SCD5: variants seen among roughly 807,000 people sequenced by gnomAD.
The protein encoded by SCD5 is acyl-CoA-desaturase 4.
In SCD5, 20 loss-of-function variants were observed where a neutral mutation model predicts 30.4. The ratio of observed to expected loss-of-function variants is 0.66; its 90% CI spans 0.46 to 0.96. The LOEUF (loss-of-function observed/expected upper bound fraction) is 0.96. Among genes scored for constraint, SCD5 ranks in the 40% least tolerant of loss-of-function variants. The pLI, the probability that SCD5 is intolerant of heterozygous loss-of-function variation, is 0.00. For missense variants in SCD5, 381 were observed against 443.3 expected (o/e 0.86, Z 1.26); for synonymous variants, 173 against 176.4 (o/e 0.98, Z 0.16).
At chr4:82,665,894 CAAAATTTT>C (rs1406703033) in intron 3 of SCD5, among the ~76,000 whole-genome samples, 8 of 151,996 alleles carry the variant, frequency 5.3e-5, no homozygotes, top group Non-Finnish European at 7.4e-5. Flanking sequence ...AAATATACAG[CAAAATTTT>C]AACTGATCTT....
chr4:82,736,620 AT>A (rs924257891), intron 1 of SCD5, among the ~76,000 whole-genome samples: 10 of 147,936 alleles, frequency 6.8e-5, no homozygotes, highest in Admixed American at 2.0e-4. Flanking sequence ...AAAAAAAAAA[AT>A]CATTCTTAAT....
intron 1 of SCD5, among the ~76,000 whole-genome samples, chr4:82,716,228 C>G (rs1186255249): frequency 6.6e-6 from 1 of 151,704 alleles, no homozygotes; most frequent in Non-Finnish European, 1.5e-5. Flanking sequence ...GGAATCAAAG[C>G]TCCCTGGAAG....
intron 1 of SCD5, among the ~76,000 whole-genome samples, chr4:82,765,354 C>T (rs1364522345): frequency 6.6e-6 from 1 of 152,172 alleles, no homozygotes; most frequent in Admixed American, 6.5e-5. Context: ...AAGAAGTCTG[C>T]TGTCATCATC....
At chr4:82,637,345 C>T (rs778888335) in intron 3 of SCD5, among the ~76,000 whole-genome samples, 3 of 152,164 alleles carry the variant, frequency 2.0e-5, no homozygotes, top group Non-Finnish European at 4.4e-5. Flanking sequence ...TCAGAGATTA[C>T]GTTCCAAACC....
intron 1 of SCD5, among the ~76,000 whole-genome samples, chr4:82,770,181 C>A (rs946677362): frequency 6.6e-6 from 1 of 152,112 alleles, no homozygotes; most frequent in Non-Finnish European, 1.5e-5. Context: ...CTATCCTGCC[C>A]CCCTCCCCAC....
Position 82,753,467 on chromosome 4 carries a change from G to A in SCD5, c.232+44839C>T, listed in dbSNP as rs374379780. On this transcript the variant is annotated intron_variant, in intron 1 of 4. Transcript: ENST00000319540. Reference sequence around the variant, plus strand: ...AGCAGTGCGCCCCAGAGTCACGCGGGTGGACTCTGACAGTGATAGTGTCCA... The same window carrying A: ...AGCAGTGCGCCCCAGAGTCACGCGGATGGACTCTGACAGTGATAGTGTCCA... The A allele has an allele frequency of 4.4e-3, 2,162 of 494,220 alleles. 52 individuals are homozygous for A. Among genetic ancestry groups the A allele is most frequent in the South Asian group, 0.031 (2,108 of 67,244 alleles). 30.6% of individuals were successfully genotyped at this position (494,220 alleles called of 1,614,324 possible). A position where few individuals can be genotyped will look rare whatever the true frequency, so the allele number is the denominator to read the frequency against.
At chr4:82,738,102 A>G (rs1292285472) in intron 1 of SCD5, among the ~76,000 whole-genome samples, 4 of 152,194 alleles carry the variant, frequency 2.6e-5, no homozygotes, top group African/African-American at 9.6e-5. Flanking sequence ...TGATAAAAAA[A>G]GAACCAAAAG....
intron 3 of SCD5, among the ~76,000 whole-genome samples, chr4:82,670,078 C>G (rs911546596): frequency 6.6e-6 from 1 of 152,164 alleles, no homozygotes. Flanking sequence ...TCCTTTTACT[C>G]AGTACATCAT....
At chr4:82,658,783 G>C (rs548761531) in intron 3 of SCD5, among the ~76,000 whole-genome samples, 22 of 151,754 alleles carry the variant, frequency 1.4e-4, no homozygotes, top group African/African-American at 4.8e-4. Flanking sequence ...AGGGATATTG[G>C]CCTGATATTT....
chr4:82,635,337 G>C (rs913900281), intron 4 of SCD5, among the ~76,000 whole-genome samples: 1 of 152,126 alleles, frequency 6.6e-6, no homozygotes, highest in African/African-American at 2.4e-5. Flanking sequence ...GCAACATCAC[G>C]GGCCGGGCAC....
intron 2 of SCD5, among the ~76,000 whole-genome samples, chr4:82,704,872 C>T (rs6848340): frequency 0.16 from 24,354 of 152,176 alleles, 2,150 homozygotes; most frequent in East Asian, 0.4. Flanking sequence ...CTCACTGAAC[C>T]TCATTCTCCT....
chr4:82,787,313 T>C (rs893051577), intron 1 of SCD5, among the ~76,000 whole-genome samples: 2 of 152,082 alleles, frequency 1.3e-5, no homozygotes, highest in Non-Finnish European at 2.9e-5. Flanking sequence ...TTTCCCTTTT[T>C]TTTTTTTTCT....
intron 1 of SCD5, among the ~76,000 whole-genome samples, chr4:82,740,398 G>A (rs1191854991): frequency 6.6e-6 from 1 of 152,204 alleles, no homozygotes. Flanking sequence ...GCAGGTGGAC[G>A]GGGAGGATCT....
chr4:82,640,793 G>C (rs1727526346), intron 3 of SCD5, among the ~76,000 whole-genome samples: 1 of 152,138 alleles, frequency 6.6e-6, no homozygotes, highest in South Asian at 2.1e-4. Context: ...GTCTGGCCAA[G>C]GGGCCACAGA....
At chr4:82,666,873 T>G (rs1398953068) in intron 3 of SCD5, among the ~76,000 whole-genome samples, 1 of 152,166 alleles carries the variant, frequency 6.6e-6, no homozygotes, top group Non-Finnish European at 1.5e-5. Context: ...ACTATCTACA[T>G]GACAGAGTTA....
intron 1 of SCD5, among the ~76,000 whole-genome samples, chr4:82,752,669 G>A (rs1010487435): frequency 6.6e-6 from 1 of 152,112 alleles, no homozygotes; most frequent in Non-Finnish European, 1.5e-5. Context: ...TGGACCTGGA[G>A]AAGCCTATGT....
intron 1 of SCD5, among the ~76,000 whole-genome samples, chr4:82,712,333 G>C (rs1720128535): frequency 9.8e-6 from 1 of 102,480 alleles, no homozygotes. Context: ...TTGAGATGAA[G>C]TCTCGCTCTG....
At chr4:82,755,030 C>T (rs1360762925) in intron 1 of SCD5, among the ~76,000 whole-genome samples, 1 of 150,984 alleles carries the variant, frequency 6.6e-6, no homozygotes, top group Admixed American at 6.6e-5. Context: ...ACTCAGTAGA[C>T]CAGATGGGAA....
chr4:82,720,192 G>C (rs973414692), intron 1 of SCD5, among the ~76,000 whole-genome samples: 2 of 151,914 alleles, frequency 1.3e-5, no homozygotes, highest in Non-Finnish European at 2.9e-5. Flanking sequence ...CACTTTGGGA[G>C]GCCTAGGAGG....
Sources: allele counts gnomAD v4.1 joint callset (sites outside exome capture counted in the v4.1 genomes callset), GRCh38; gene constraint gnomAD v4.1.1; transcripts MANE v1.5; gene names NCBI Gene and HGNC (gene_info 2026-07-23, HGNC 2026-07-21).